AJAP1: variants seen among roughly 807,000 people sequenced by gnomAD.
AJAP1 encodes adherens junction-associated protein 1.
A neutral mutation model predicts 35.0 loss-of-function variants in AJAP1; 5 were observed. That is an observed-to-expected ratio of 0.14 (90% CI 0.07 to 0.30). The LOEUF is 0.30. AJAP1 is among the 10% of genes least tolerant of loss of function. AJAP1 has a pLI of 1.00. For synonymous variants in AJAP1, 284 were observed against 249.3 expected (o/e 1.14, Z -1.31); for missense variants, 586 against 571.0 (o/e 1.03, Z -0.27).
intron 2 of AJAP1, among the ~76,000 whole-genome samples, chr1:4,730,591 C>A (rs191924768): frequency 6.6e-6 from 1 of 152,214 alleles, no homozygotes; most frequent in Non-Finnish European, 1.5e-5. Flanking sequence ...GGAACCTCTG[C>A]GGGGCTGCCC....
rs112143278 is a variant in AJAP1 at position 4,697,927 on chromosome 1, G to A, written c.30-13973G>A. ...AAGAGCCAAGGGGACCGCTAAGTCC[G>A]CGTTCTGTGCTCTTTTCCTCCAGCC... On this transcript the variant is annotated intron_variant, in intron 1 of 5. Coordinates refer to ENST00000378191, the MANE Select transcript of AJAP1 (RefSeq NM_018836.4). 9.2e-5 allele frequency among the ~76,000 whole-genome samples: 14 copies of A among 152,320 alleles called. 1 individual carries two copies. The highest frequency in any genetic ancestry group is 3.4e-4 in the African/African-American group (14 of 41,578).
At chr1:4,780,679 T>C (rs1570235963) in intron 5 of AJAP1, among the ~76,000 whole-genome samples, 1 of 147,856 alleles carries the variant, frequency 6.8e-6, no homozygotes, top group African/African-American at 2.5e-5. Flanking sequence ...TTGCCCAGGC[T>C]GGAGTGTAGT....
rs917164377 is a variant in AJAP1 at position 4,783,547 on chromosome 1, T to A, written c.*1062T>A. The A allele has an allele frequency of 1.2e-3, 159 of 132,692 alleles. 1 individual carries two copies. The highest frequency in any genetic ancestry group is 2.4e-3 in the African/African-American group (86 of 35,716). The allele number at this position is 132,692 out of a possible 1,614,324, so 8.2% of individuals were successfully genotyped here. On this transcript the variant is annotated 3_prime_UTR_variant, in exon 6 of 6. Coordinates refer to ENST00000378191, the MANE Select transcript of AJAP1 (RefSeq NM_018836.4). ...TATATATATATATATATATATATGT[T>A]TGTGTGTGTATATATATGTTTGTGT...
Position 4,774,557 on chromosome 1 carries a change from CG to C in AJAP1, c.*59+1del. The C allele has an allele frequency of 6.6e-7, 1 of 1,504,204 alleles. No homozygotes were observed. The highest frequency in any genetic ancestry group is 9.2e-7 in the Non-Finnish European group (1 of 1,082,386). 93.2% of individuals were successfully genotyped at this position (1,504,204 alleles called of 1,614,324 possible). A position where few individuals can be genotyped will look rare whatever the true frequency, so the allele number is the denominator to read the frequency against. Reference sequence around the variant, plus strand: ...GGGCAGACGCCGTGTGTCTGTTTCACGGTAGGTACCTCTCTTTGGACATTCC... The same window carrying C: ...GGGCAGACGCCGTGTGTCTGTTTCACGTAGGTACCTCTCTTTGGACATTCC... On this transcript the variant is annotated splice_region_variant and 3_prime_UTR_variant, in exon 5 of 6. Coordinates refer to ENST00000378191, the MANE Select transcript of AJAP1 (RefSeq NM_018836.4).
At chr1:4,779,890 A>G (rs980935101) in intron 5 of AJAP1, among the ~76,000 whole-genome samples, 1 of 152,122 alleles carries the variant, frequency 6.6e-6, no homozygotes, top group South Asian at 2.1e-4. Context: ...CACACCTGTA[A>G]TCCCAGCACT....
At chr1:4,658,405 A>G (rs1391995469) in intron 1 of AJAP1, among the ~76,000 whole-genome samples, 1 of 152,172 alleles carries the variant, frequency 6.6e-6, no homozygotes, top group African/African-American at 2.4e-5. Context: ...GGCTGTCACC[A>G]TCCTCGCTGT....
intron 2 of AJAP1, among the ~76,000 whole-genome samples, chr1:4,752,698 C>T (rs1641345563): frequency 6.6e-6 from 1 of 152,146 alleles, no homozygotes; most frequent in Non-Finnish European, 1.5e-5. Flanking sequence ...ATCTCTTCTG[C>T]CACAAAGAAA....
At chr1:4,663,922 G>A (rs765450429) in intron 1 of AJAP1, among the ~76,000 whole-genome samples, 3 of 152,178 alleles carry the variant, frequency 2.0e-5, no homozygotes, top group Admixed American at 1.3e-4. Context: ...AGGCCTGGGT[G>A]CGGGGCTTGC....
intron 2 of AJAP1, among the ~76,000 whole-genome samples, chr1:4,717,347 C>T (rs908186802): frequency 3.3e-5 from 5 of 152,190 alleles, no homozygotes; most frequent in Admixed American, 6.5e-5. Context: ...AAGACTTTCC[C>T]GCCTGCTCAG....
chr1:4,711,951 A>G lies in AJAP1; in HGVS notation c.81A>G (p.Ile27Met), dbSNP rs760335322. ...GCCCCCTCGGAAGCCATGCCTGGAT[A>G]CTGATAGCCATGTTTCAGCTCGCCG... ...PGRPLGSHAW[I>M]LIAMFQLAVD... Residue 27 changes from isoleucine to methionine, a missense_variant, in exon 2 of 6, where the codon ATA (isoleucine) becomes ATG (methionine). Ile to Met is a conservative substitution (Grantham distance 10). Coordinates refer to ENST00000378191, the MANE Select transcript of AJAP1 (RefSeq NM_018836.4). The G allele has an allele frequency of 1.3e-6, 2 of 1,569,000 alleles. No homozygotes were observed. Among genetic ancestry groups the G allele is most frequent in the Admixed American group, 1.9e-5 (1 of 51,716 alleles).
intron 1 of AJAP1, among the ~76,000 whole-genome samples, chr1:4,676,198 G>A (rs1359707405): frequency 6.6e-6 from 1 of 152,082 alleles, no homozygotes; most frequent in Non-Finnish European, 1.5e-5. Flanking sequence ...TCATTTTTGG[G>A]GCTAGTGTCT....
In AJAP1 at chr1:4,655,144, C is replaced by G. The variant is rs1638846508; in HGVS notation, c.-282C>G. The stretch of plus-strand genomic sequence containing the variant: ...CTCGCTGCCGCCTTCGCTGTGCCGC[C>G]GGCGGAGGGGGCCGCGAGCCCCGCG... On this transcript the variant is annotated 5_prime_UTR_variant, in exon 1 of 6. Transcript: ENST00000378191. This position sits in a 1 kb window ranked among gnomAD's most constrained non-coding sequence, Gnocchi z 6.9. 6.7e-6 allele frequency: 1 copy of G among 149,206 alleles called. No homozygotes were observed. Among genetic ancestry groups the G allele is most frequent in the African/African-American group, 2.4e-5 (1 of 41,096 alleles). 9.2% of individuals were successfully genotyped at this position (149,206 alleles called of 1,614,324 possible).
At position 4,655,722 on chromosome 1, in the gene AJAP1, G is replaced by A. The variant is rs1230955954; in HGVS notation, c.29+268G>A. On this transcript the variant is annotated intron_variant, in intron 1 of 5. Transcript: ENST00000378191. The surrounding 1 kb of genome is among the most constrained non-coding windows in gnomAD (Gnocchi z 6.9). ...CCCCAGCAACCCGGGAAGTGGGGCCGGCCAGGCGCGCCCGCAGCTCTAGGA... is the reference window on the plus strand; with the variant it reads ...CCCCAGCAACCCGGGAAGTGGGGCCAGCCAGGCGCGCCCGCAGCTCTAGGA... Among the ~76,000 whole-genome samples the A allele has an allele frequency of 3.3e-5, 5 of 150,746 alleles. No homozygotes were observed. In the East Asian group the frequency reaches 8.0e-4, roughly 24 times the overall value.
chr1:4,759,124 C>T (rs1009458107), intron 2 of AJAP1, among the ~76,000 whole-genome samples: 2 of 152,184 alleles, frequency 1.3e-5, no homozygotes, highest in African/African-American at 4.8e-5. Flanking sequence ...CTGGCACACC[C>T]TCTGGTACTC....
intron 2 of AJAP1, among the ~76,000 whole-genome samples, chr1:4,755,342 C>G (rs1172523584): frequency 1.3e-5 from 2 of 152,120 alleles, no homozygotes; most frequent in Non-Finnish European, 2.9e-5. Flanking sequence ...TCACACCACC[C>G]CCACACTTAA....
At chr1:4,746,365 T>A (rs931012481) in intron 2 of AJAP1, among the ~76,000 whole-genome samples, 1 of 152,152 alleles carries the variant, frequency 6.6e-6, no homozygotes, top group Non-Finnish European at 1.5e-5. Context: ...CAACCCTGTC[T>A]CCAAATAAGG....
At chr1:4,706,241 G>A (rs12072545) in intron 1 of AJAP1, among the ~76,000 whole-genome samples, 1 of 152,300 alleles carries the variant, frequency 6.6e-6, no homozygotes, top group African/African-American at 2.4e-5. Flanking sequence ...AAATATGTCT[G>A]TGTCTATTCT....
intron 2 of AJAP1, among the ~76,000 whole-genome samples, chr1:4,755,861 G>A (rs1206890886): frequency 6.6e-6 from 1 of 152,034 alleles, no homozygotes; most frequent in South Asian, 2.1e-4. Context: ...CTGGAGTAAG[G>A]GGGGTTCTGG....
rs1639223268 is a variant in AJAP1, at chr1:4,670,250, C to T, written c.29+14796C>T. On this transcript the variant is annotated intron_variant, in intron 1 of 5. Transcript: ENST00000378191. ...GCAGCCGGTCTGTCTTTACTCCTTA[C>T]ACATCCCCAGGGAGGAGGCTCAGTG... 2.6e-5 allele frequency among the ~76,000 whole-genome samples: 4 copies of T among 152,178 alleles called. 1 individual carries two copies. In the South Asian group the frequency reaches 6.2e-4, roughly 24 times the overall value.
Sources: gnomAD v4.1 joint callset for allele counts (sites outside exome capture counted in the v4.1 genomes callset) on GRCh38, gnomAD v4.1.1 for gene constraint, Gnocchi (gnomAD v3.1) non-coding constraint, MANE v1.5 for transcripts, NCBI Gene and HGNC (gene_info 2026-07-23, HGNC 2026-07-21) for gene names.